The following GASK1A variants were observed in gnomAD, a reference collection of about 807,000 sequenced individuals.
The protein encoded by GASK1A is golgi associated kinase 1A, also known as Golgi-associated kinase 1A.
A neutral mutation model predicts 41.2 loss-of-function variants in GASK1A; 40 were observed. The ratio of observed to expected loss-of-function variants is 0.97; its 90% CI spans 0.75 to 1.27. The LOEUF is 1.27. Among genes scored for constraint, GASK1A ranks in the 50% most tolerant of loss-of-function variants. The pLI is 0.00. For missense variants in GASK1A, 678 were observed against 745.1 expected, an observed-to-expected ratio of 0.91 and a Z score of 1.05; for synonymous variants, 316 against 307.1, an observed-to-expected ratio of 1.03 and a Z score of -0.30.
intron 2 of GASK1A, among the ~76,000 whole-genome samples, chr3:43,035,273 G>A (rs1049336515): frequency 6.6e-6 from 1 of 152,178 alleles, no homozygotes; most frequent in African/African-American, 2.4e-5. Flanking sequence ...CTGCAGGTTT[G>A]CTCTGCTTGC....
chr3:43,013,176 AG>A (rs2089472544), intron 1 of GASK1A, among the ~76,000 whole-genome samples: 1 of 151,816 alleles, frequency 6.6e-6, no homozygotes, highest in African/African-American at 2.4e-5. Flanking sequence ...GGTCACAGGA[AG>A]GGGCTGTGTG....
intron 1 of GASK1A, among the ~76,000 whole-genome samples, chr3:42,981,269 G>A (rs762982939): frequency 4.6e-5 from 7 of 152,160 alleles, no homozygotes; most frequent in African/African-American, 1.7e-4. Context: ...TGGCCTTGGA[G>A]ATCTGAAGGC....
At chr3:42,980,884 C>A (rs1378219821) in intron 1 of GASK1A, among the ~76,000 whole-genome samples, 2 of 152,172 alleles carry the variant, frequency 1.3e-5, no homozygotes, top group African/African-American at 4.8e-5. Flanking sequence ...TATCCTATTA[C>A]AAATTCCCTG....
chr3:43,015,908 AG>A (rs2089488710), intron 1 of GASK1A, among the ~76,000 whole-genome samples: 1 of 149,344 alleles, frequency 6.7e-6, no homozygotes, highest in Non-Finnish European at 1.5e-5. Context: ...AGGGAGGGGC[AG>A]TGTGAAGCCA....
At chr3:43,046,173 A>G (rs1434957867) in intron 2 of GASK1A, among the ~76,000 whole-genome samples, 1 of 152,222 alleles carries the variant, frequency 6.6e-6, no homozygotes, top group East Asian at 1.9e-4. Flanking sequence ...GGCTCAGAAG[A>G]AGACAGGGAG....
At chr3:43,000,808 G>T (rs62249016) in intron 1 of GASK1A, among the ~76,000 whole-genome samples, 21,046 of 152,240 alleles carry the variant, frequency 0.14, 1,874 homozygotes, top group Non-Finnish European at 0.2. Flanking sequence ...CCATTTCATT[G>T]TAGTTGTATT....
At chr3:43,010,554 G>A (rs1031592895) in intron 1 of GASK1A, among the ~76,000 whole-genome samples, 2 of 152,112 alleles carry the variant, frequency 1.3e-5, no homozygotes, top group African/African-American at 2.4e-5. Context: ...ATTGCTTTTC[G>A]TATTTCATGA....
At chr3:42,994,352 C>T (rs1189933565) in intron 1 of GASK1A, among the ~76,000 whole-genome samples, 1 of 151,998 alleles carries the variant, frequency 6.6e-6, no homozygotes, top group Admixed American at 6.6e-5. Flanking sequence ...GAGGCAGGAG[C>T]CGGGCCTAGG....
In GASK1A at chr3:43,056,449, C is replaced by A; in HGVS notation, c.*63C>A. 1 of 1,375,510 alleles carries A rather than the reference C, an allele frequency of 7.3e-7. No homozygotes were observed. Among genetic ancestry groups the A allele is most frequent in the South Asian group, 1.5e-5 (1 of 64,608 alleles). The allele number at this position is 1,375,510 out of a possible 1,614,324, so 85.2% of individuals were successfully genotyped here. A position where few individuals can be genotyped will look rare whatever the true frequency, so the allele number is the denominator to read the frequency against. On this transcript the variant is annotated 3_prime_UTR_variant, in exon 5 of 5. Coordinates refer to ENST00000430121, the MANE Select transcript of GASK1A (RefSeq NM_001129908.3). ...ATGGCCACATTTTCTTGGGCTCACT[C>A]ATCTTGAGGACAAATGGGAAAAGCC...
chr3:42,986,948 T>C (rs561338735), intron 1 of GASK1A, among the ~76,000 whole-genome samples: 8 of 152,322 alleles, frequency 5.3e-5, no homozygotes, highest in Non-Finnish European at 1.2e-4. Flanking sequence ...GGCATCCGGA[T>C]GTATGGGTCT....
chr3:43,035,899 C>CT (rs2089601629), intron 2 of GASK1A, among the ~76,000 whole-genome samples: 1 of 152,240 alleles, frequency 6.6e-6, no homozygotes, highest in African/African-American at 2.4e-5. Flanking sequence ...AGCTTGTGGG[C>CT]TGAGAAGCAG....
intron 1 of GASK1A, among the ~76,000 whole-genome samples, chr3:43,018,405 C>T (rs559652028): frequency 6.6e-6 from 1 of 152,270 alleles, no homozygotes; most frequent in East Asian, 1.9e-4. Context: ...TTTTCAATTT[C>T]CTGGCTGATA....
chr3:43,003,100 AG>A (rs2089418358), intron 1 of GASK1A, among the ~76,000 whole-genome samples: 1 of 152,196 alleles, frequency 6.6e-6, no homozygotes, highest in African/African-American at 2.4e-5. Context: ...TGACTTACAC[AG>A]GAAAATAGCT....
intron 1 of GASK1A, among the ~76,000 whole-genome samples, chr3:43,009,364 C>A (rs754894213): frequency 7.2e-5 from 11 of 152,216 alleles, no homozygotes; most frequent in Non-Finnish European, 1.5e-4. Context: ...TCTTTAAAAT[C>A]CTTCTGCTAG....
intron 1 of GASK1A, among the ~76,000 whole-genome samples, chr3:43,002,275 G>A (rs2089413437): frequency 6.6e-6 from 1 of 152,158 alleles, no homozygotes; most frequent in South Asian, 2.1e-4. Context: ...GTGTCCTAAG[G>A]CTGGAGGAAA....
rs2089720146 is a variant in GASK1A, at chr3:43,057,125, T to C, written c.*739T>C. The stretch of plus-strand genomic sequence containing the variant: ...TTTTTACTTTATTAACTATATTCTG[T>C]ATCAGCCATCTGAATTGACCCAATC... On this transcript the variant is annotated 3_prime_UTR_variant, in exon 5 of 5. Transcript: ENST00000430121. The C allele has an allele frequency of 6.6e-6, 1 of 152,252 alleles. No individual in the cohort carries two copies. The highest frequency in any genetic ancestry group is 1.5e-5 in the Non-Finnish European group (1 of 68,046). 9.4% of individuals were successfully genotyped at this position (152,252 alleles called of 1,614,324 possible).
intron 1 of GASK1A, among the ~76,000 whole-genome samples, chr3:43,002,979 A>G (rs2089417841): frequency 6.6e-6 from 1 of 152,142 alleles, no homozygotes; most frequent in African/African-American, 2.4e-5. Context: ...TGAGGATGAC[A>G]GGTGTTCATT....
chr3:43,002,303 T>C (rs1034034083), intron 1 of GASK1A, among the ~76,000 whole-genome samples: 3 of 152,174 alleles, frequency 2.0e-5, no homozygotes, highest in African/African-American at 7.2e-5. Flanking sequence ...GGCATATCAA[T>C]TTCTTTCTTA....
At chr3:43,039,590 G>T (rs1409558384) in intron 2 of GASK1A, among the ~76,000 whole-genome samples, 1 of 152,050 alleles carries the variant, frequency 6.6e-6, no homozygotes, top group African/African-American at 2.4e-5. Flanking sequence ...TTGTGTCATG[G>T]GTGTCTAGTG....
Sources: allele counts gnomAD v4.1 joint callset (sites outside exome capture counted in the v4.1 genomes callset), GRCh38; gene constraint gnomAD v4.1.1; transcripts MANE v1.5; gene names NCBI Gene and HGNC (gene_info 2026-07-23, HGNC 2026-07-21).